Variants in ADK observed in about 807,000 individuals in gnomAD.
ADK encodes the protein adenosine kinase, also known as N6,N6-dimethyladenosine kinase.
A neutral mutation model predicts 44.7 loss-of-function variants in ADK; 24 were observed. That is an observed-to-expected ratio of 0.54 (90% CI 0.39 to 0.76). ADK has a LOEUF of 0.76. ADK is among the 30% of genes least tolerant of loss of function. The pLI is 0.00. For missense variants in ADK, 321 were observed against 425.1 expected, an observed-to-expected ratio of 0.76 and a Z score of 2.15; for synonymous variants, 128 against 142.6, an observed-to-expected ratio of 0.90 and a Z score of 0.73.
intron 7 of ADK, chr10:74,527,584 A>G (rs761837236): frequency 2.2e-5 from 17 of 767,514 alleles, no homozygotes; most frequent in Admixed American, 3.4e-5. Flanking sequence ...GGATAACGAG[A>G]TAGCTGCCTC....
chr10:74,599,972 G>A (rs951640487), intron 8 of ADK, among the ~76,000 whole-genome samples: 1 of 151,944 alleles, frequency 6.6e-6, no homozygotes, highest in African/African-American at 2.4e-5. Flanking sequence ...AAACTGCCTG[G>A]ATATTTGCTG....
intron 9 of ADK, among the ~76,000 whole-genome samples, chr10:74,662,187 T>C (rs1169312985): frequency 3.3e-5 from 5 of 152,200 alleles, no homozygotes; most frequent in South Asian, 4.1e-4. Context: ...TTAAATTACA[T>C]TGTGGCTTGC....
At chr10:74,308,428 G>A (rs1307621754) in intron 3 of ADK, among the ~76,000 whole-genome samples, 1 of 152,064 alleles carries the variant, frequency 6.6e-6, no homozygotes, top group East Asian at 1.9e-4. Flanking sequence ...TGTTATTTTG[G>A]CTTTTAGCAA....
intron 3 of ADK, among the ~76,000 whole-genome samples, chr10:74,234,403 G>C (rs1389855464): frequency 6.6e-6 from 1 of 152,150 alleles, no homozygotes; most frequent in East Asian, 1.9e-4. Flanking sequence ...ATAAGAAAAG[G>C]ATAGAACTGT....
chr10:74,396,640 C>T lies in ADK; in HGVS notation c.447-1831C>T, dbSNP rs144834149. Among the ~76,000 whole-genome samples, 27 of 152,208 alleles carry T rather than the reference C, an allele frequency of 1.8e-4. No homozygotes were observed. In the East Asian group the frequency reaches 4.2e-3, roughly 24 times the overall value. On this transcript the variant is annotated intron_variant, in intron 5 of 10. Transcript: ENST00000539909. Reference sequence around the variant, plus strand: ...TCCTCTTCAAAGTCAGAATCAAATACGTTGGGATAATAAGAATACTCATAT... The same window carrying T: ...TCCTCTTCAAAGTCAGAATCAAATATGTTGGGATAATAAGAATACTCATAT...
intron 6 of ADK, among the ~76,000 whole-genome samples, chr10:74,440,388 A>T (rs1454033853): frequency 6.6e-6 from 1 of 152,146 alleles, no homozygotes; most frequent in African/African-American, 2.4e-5. Flanking sequence ...CTCTAATACC[A>T]GAGCCTATAT....
chr10:74,180,505 G>C (rs1262886697), intron 1 of ADK, among the ~76,000 whole-genome samples: 1 of 146,016 alleles, frequency 6.8e-6, no homozygotes, highest in African/African-American at 2.6e-5. Context: ...TGTCACCCAG[G>C]CTGGAGTGCA....
chr10:74,605,620 T>C (rs1305940442), intron 9 of ADK, among the ~76,000 whole-genome samples: 1 of 152,206 alleles, frequency 6.6e-6, no homozygotes, highest in East Asian at 1.9e-4. Context: ...GATAAGCTTT[T>C]TGATGTGCTT....
intron 9 of ADK, among the ~76,000 whole-genome samples, chr10:74,621,451 C>T (rs1412581486): frequency 6.6e-6 from 1 of 152,164 alleles, no homozygotes; most frequent in African/African-American, 2.4e-5. Flanking sequence ...ATGCCAATAA[C>T]ATGCTGTTTT....
intron 3 of ADK, among the ~76,000 whole-genome samples, chr10:74,295,030 A>G (rs1043256555): frequency 1.3e-5 from 2 of 151,322 alleles, no homozygotes; most frequent in Non-Finnish European, 3.0e-5. Context: ...TGATTTTTGT[A>G]TTTTTTGATA....
chr10:74,386,727 C>T (rs146699731), intron 4 of ADK, among the ~76,000 whole-genome samples: 2 of 152,312 alleles, frequency 1.3e-5, no homozygotes, highest in Non-Finnish European at 2.9e-5. Context: ...TTCCTTCCCA[C>T]ATAGTTGCTT....
intron 10 of ADK, among the ~76,000 whole-genome samples, chr10:74,700,749 G>A (rs180773158): frequency 6.6e-6 from 1 of 152,304 alleles, no homozygotes; most frequent in African/African-American, 2.4e-5. Context: ...GGGATGGTGA[G>A]GAGGACATGG....
At chr10:74,408,712 C>T (rs1397261642) in intron 6 of ADK, among the ~76,000 whole-genome samples, 1 of 151,856 alleles carries the variant, frequency 6.6e-6, no homozygotes, top group Admixed American at 6.6e-5. Flanking sequence ...TGTATTCTTA[C>T]AATAAATTAA....
At chr10:74,522,318 T>C (rs984635451) in intron 6 of ADK, among the ~76,000 whole-genome samples, 1 of 152,154 alleles carries the variant, frequency 6.6e-6, no homozygotes, top group African/African-American at 2.4e-5. Flanking sequence ...AGATTATTCT[T>C]GGCCACCAGG....
At chr10:74,686,181 C>G (rs1211418355) in intron 10 of ADK, among the ~76,000 whole-genome samples, 1 of 152,012 alleles carries the variant, frequency 6.6e-6, no homozygotes, top group Non-Finnish European at 1.5e-5. Context: ...CCAGGATGGT[C>G]TCAATCTCCT....
chr10:74,194,926 T>C (rs1321610010), intron 1 of ADK, among the ~76,000 whole-genome samples: 1 of 152,222 alleles, frequency 6.6e-6, no homozygotes, highest in East Asian at 1.9e-4. Flanking sequence ...AACATTAATA[T>C]ATCAATAGCC....
intron 3 of ADK, among the ~76,000 whole-genome samples, chr10:74,264,261 A>T (rs369434094): frequency 2.6e-5 from 4 of 152,208 alleles, no homozygotes; most frequent in African/African-American, 9.7e-5. Flanking sequence ...TGTTCTTTCC[A>T]GTGGTATCTG....
intron 6 of ADK, among the ~76,000 whole-genome samples, chr10:74,504,429 A>G (rs1240154998): frequency 6.6e-6 from 1 of 152,168 alleles, no homozygotes; most frequent in Non-Finnish European, 1.5e-5. Context: ...AAATCCATGT[A>G]TAACTTTTGA....
chr10:74,557,075 G>A (rs1850279305), intron 7 of ADK, among the ~76,000 whole-genome samples: 2 of 152,078 alleles, frequency 1.3e-5, no homozygotes, highest in Admixed American at 1.3e-4. Context: ...CTATACCTAT[G>A]GTCAAGTGGC....
Sources: allele counts gnomAD v4.1 joint callset (sites outside exome capture counted in the v4.1 genomes callset), GRCh38; gene constraint gnomAD v4.1.1; transcripts MANE v1.5; gene names NCBI Gene and HGNC (gene_info 2026-07-23, HGNC 2026-07-21).